Variants in PRSS3 observed in about 807,000 individuals in gnomAD.
PRSS3 encodes the protein serine protease 3.
Under a neutral mutation model 20.8 loss-of-function variants are expected in PRSS3, and 14 were observed. The ratio of observed to expected loss-of-function variants is 0.67; its 90% CI spans 0.44 to 1.05. The LOEUF is 1.05. Ranked by LOEUF, PRSS3 falls within the 50% of genes least tolerant of loss-of-function variation. The pLI is 0.00. For synonymous variants in PRSS3, 91 were observed against 117.6 expected, an observed-to-expected ratio of 0.77 and a Z score of 1.46; for missense variants, 237 against 306.4, an observed-to-expected ratio of 0.77 and a Z score of 1.69.
chr9:33,781,632 C>T (rs1357987386), intron 1 of PRSS3, among the ~76,000 whole-genome samples: 1 of 152,132 alleles, frequency 6.6e-6, no homozygotes, highest in Non-Finnish European at 1.5e-5. Flanking sequence ...CATATGTACC[C>T]TCTGTATATA....
chr9:33,757,024 C>T (rs1224203013), intron 1 of PRSS3, among the ~76,000 whole-genome samples: 1 of 152,196 alleles, frequency 6.6e-6, no homozygotes, highest in Admixed American at 6.5e-5. Context: ...CTTTCTAGTA[C>T]ATATAATGGG....
intron 1 of PRSS3, among the ~76,000 whole-genome samples, chr9:33,756,964 G>A (rs185931677): frequency 1.9e-3 from 296 of 152,322 alleles, no homozygotes; most frequent in African/African-American, 6.5e-3. Context: ...TCATTGTAGG[G>A]TGGTTAGGCA....
At chr9:33,797,801 T>A (rs762332575) in intron 2 of PRSS3, 28 bp from the exon 3 acceptor site, 3 of 1,521,636 alleles carry the variant, frequency 2.0e-6, no homozygotes, top group Non-Finnish European at 2.6e-6. Flanking sequence ...TGGGAGAAGG[T>A]CTTCACCATG....
intron 1 of PRSS3, among the ~76,000 whole-genome samples, chr9:33,769,350 G>T (rs1391331025): frequency 2.6e-5 from 4 of 152,182 alleles, no homozygotes; most frequent in African/African-American, 9.7e-5. Flanking sequence ...GTGATGCATG[G>T]ATACAGTCAA....
At chr9:33,751,281 C>G (rs1822685112) in intron 1 of PRSS3, among the ~76,000 whole-genome samples, 2 of 152,206 alleles carry the variant, frequency 1.3e-5, no homozygotes, top group South Asian at 4.1e-4. Context: ...CAGATCCTTT[C>G]CTGAGGCCAG....
chr9:33,798,072 G>A lies in PRSS3; in HGVS notation c.444G>A (p.Leu148=). The A allele has an allele frequency of 6.2e-7, 1 of 1,614,266 alleles. No individual in the cohort carries two copies. Among genetic ancestry groups the A allele is most frequent in the Non-Finnish European group, 8.5e-7 (1 of 1,180,046 alleles). ...ECLISGWGNT[L]SFGADYPDEL... is the part of the protein sequence containing the mutation. ...TCATCTCCGGCTGGGGCAACACTCT[G>A]AGCTTTGGTGGTGAGTGGGACCCTT... Residue 148 remains leucine (L), a synonymous_variant, in exon 3 of 5, where the codon CTG becomes CTA. Transcript: ENST00000379405.
chr9:33,771,574 G>A (rs754670110), intron 1 of PRSS3, among the ~76,000 whole-genome samples: 3 of 149,968 alleles, frequency 2.0e-5, no homozygotes, highest in Non-Finnish European at 3.0e-5. Flanking sequence ...CAATCCGCCC[G>A]CCTCAGCCTC....
intron 1 of PRSS3, among the ~76,000 whole-genome samples, chr9:33,759,162 G>C (rs1411541361): frequency 2.0e-5 from 3 of 152,098 alleles, no homozygotes; most frequent in Admixed American, 2.0e-4. Context: ...TCAGGTTCAC[G>C]GTGGGAAGAA....
chr9:33,796,314 A>T (rs1255909777), intron 1 of PRSS3, among the ~76,000 whole-genome samples: 1 of 152,216 alleles, frequency 6.6e-6, no homozygotes, highest in Non-Finnish European at 1.5e-5. Context: ...ACAGGTGATG[A>T]ATAAAAGAGA....
At chr9:33,798,928 C>T in intron 4 of PRSS3, 100 bp from the exon 5 acceptor site, 2 of 1,466,682 alleles carry the variant, frequency 1.4e-6, no homozygotes, top group Non-Finnish European at 9.5e-7. Context: ...CGTGGAGCCA[C>T]AGAGCTGGCT....
At chr9:33,757,677 G>A (rs1273123931) in intron 1 of PRSS3, among the ~76,000 whole-genome samples, 1 of 152,112 alleles carries the variant, frequency 6.6e-6, no homozygotes, top group Non-Finnish European at 1.5e-5. Flanking sequence ...CACGGGCCCA[G>A]GCTTGTCACC....
chr9:33,771,636 T>G (rs367724079), intron 1 of PRSS3, among the ~76,000 whole-genome samples: 14,932 of 116,220 alleles, frequency 0.13, 1,362 homozygotes, highest in African/African-American at 0.25. Context: ...TTTGTTTTTT[T>G]GTTTTTTTGT....
At chr9:33,795,344 A>C (rs796106360), upstream of PRSS3, among the ~76,000 whole-genome samples, 2 of 133,622 alleles carry the variant, frequency 1.5e-5, no homozygotes, top group Non-Finnish European at 3.3e-5. Flanking sequence ...GGAAATAGCC[A>C]GTCTCCCTCT....
At chr9:33,797,091 T>C (rs1824997639) in intron 2 of PRSS3, among the ~76,000 whole-genome samples, 1 of 152,190 alleles carries the variant, frequency 6.6e-6, no homozygotes, top group African/African-American at 2.4e-5. Flanking sequence ...GACAGAGTTT[T>C]TGAAAATACT....
intron 1 of PRSS3, chr9:33,762,102 A>G (rs1028154558): frequency 2.0e-5 from 3 of 152,198 alleles, no homozygotes; most frequent in African/African-American, 7.2e-5. Flanking sequence ...GGAAAATTTT[A>G]GAAAGAGAGA....
At chr9:33,797,807 C>T (rs199610160) in intron 2 of PRSS3, 22 bp from the exon 3 acceptor site, 395 of 1,614,132 alleles carry the variant, frequency 2.4e-4, no homozygotes, top group Non-Finnish European at 3.3e-4. Flanking sequence ...AAGGTCTTCA[C>T]CATGCCTGCC....
At chr9:33,752,791 C>A (rs1350567977) in intron 1 of PRSS3, among the ~76,000 whole-genome samples, 1 of 152,202 alleles carries the variant, frequency 6.6e-6, no homozygotes, top group Non-Finnish European at 1.5e-5. Context: ...ACAAACTACA[C>A]CGCTGGAGGA....
intron 1 of PRSS3, among the ~76,000 whole-genome samples, chr9:33,788,651 T>C (rs1824508034): frequency 6.6e-6 from 1 of 152,230 alleles, no homozygotes; most frequent in Non-Finnish European, 1.5e-5. Flanking sequence ...GGAAGGATCA[T>C]TACAGTCTAA....
At chr9:33,780,667 T>C (rs376136461) in intron 1 of PRSS3, among the ~76,000 whole-genome samples, 17 of 152,144 alleles carry the variant, frequency 1.1e-4, no homozygotes, top group Admixed American at 1.1e-3. Context: ...CCATCTCACA[T>C]GTAACAACAC....
Sources: allele counts gnomAD v4.1 joint callset (sites outside exome capture counted in the v4.1 genomes callset), GRCh38; gene constraint gnomAD v4.1.1; transcripts MANE v1.5; gene names NCBI Gene and HGNC (gene_info 2026-07-23, HGNC 2026-07-21).